The following MTA3 variants were observed in gnomAD, a reference collection of about 807,000 sequenced individuals.
MTA3 encodes metastasis associated 1 family member 3.
MTA3 carries 34 observed loss-of-function variants against 83.5 expected under a neutral mutation model. The ratio of observed to expected loss-of-function variants is 0.41; its 90% CI spans 0.31 to 0.54. MTA3 has a LOEUF of 0.54. Ranked by LOEUF, MTA3 falls within the 20% of genes least tolerant of loss-of-function variation. MTA3 has a pLI of 0.33. For synonymous variants in MTA3, 303 were observed against 252.7 expected (o/e 1.20, Z -1.89); for missense variants, 761 against 726.4 (o/e 1.05, Z -0.55).
chr2:42,734,740 C>T (rs1366658731), intron 16 of MTA3, among the ~76,000 whole-genome samples: 3 of 151,640 alleles, frequency 2.0e-5, no homozygotes, highest in Non-Finnish European at 4.4e-5. Flanking sequence ...TTCTGGTTAC[C>T]ATAAGGCTTG....
intron 2 of MTA3, among the ~76,000 whole-genome samples, chr2:42,499,431 G>T (rs943532527): frequency 2.7e-5 from 4 of 150,472 alleles, no homozygotes; most frequent in Non-Finnish European, 5.9e-5. Flanking sequence ...CTCCCAAAAT[G>T]CTGGGATTAC....
chr2:42,719,149 G>C (rs1401603634), intron 15 of MTA3, 75 bp downstream of exon 15: 1 of 1,093,994 alleles, frequency 9.1e-7, no homozygotes, highest in Non-Finnish European at 1.4e-6. Context: ...ATTCTAAATG[G>C]ACATACCTAA....
intron 14 of MTA3, among the ~76,000 whole-genome samples, chr2:42,710,158 C>G (rs935367958): frequency 6.6e-6 from 1 of 151,974 alleles, no homozygotes; most frequent in East Asian, 1.9e-4. Flanking sequence ...GGAATGATGA[C>G]TGAAAAAAAC....
intron 2 of MTA3, among the ~76,000 whole-genome samples, chr2:42,495,460 G>A (rs1674089632): frequency 1.3e-5 from 2 of 152,006 alleles, no homozygotes; most frequent in East Asian, 1.9e-4. Flanking sequence ...GTGTCTACTG[G>A]GTAGATACTG....
chr2:42,709,691 C>G (rs1413133056), intron 14 of MTA3: 1 of 152,086 alleles, frequency 6.6e-6, no homozygotes, highest in Non-Finnish European at 1.5e-5. Context: ...ATTTTAAACT[C>G]ATTTTTGGGT....
intron 2 of MTA3, among the ~76,000 whole-genome samples, chr2:42,547,076 T>G (rs1235762496): frequency 6.6e-6 from 1 of 152,154 alleles, no homozygotes; most frequent in South Asian, 2.1e-4. Flanking sequence ...ATGGAGGAAC[T>G]TTATAAAATA....
chr2:42,550,365 G>T (rs923223236), intron 2 of MTA3, among the ~76,000 whole-genome samples: 1 of 152,140 alleles, frequency 6.6e-6, no homozygotes, highest in Non-Finnish European at 1.5e-5. Context: ...ACTATCCTTG[G>T]TTTCAGCATC....
At chr2:42,570,365 TAA>T in intron 1 of MTA3, 70 bp from the exon 2 acceptor site, 1 of 951,758 alleles carries the variant, frequency 1.1e-6, no homozygotes, top group South Asian at 1.6e-5. Context: ...ATGCCTAACA[TAA>T]AAAGTCTTGG....
At chr2:42,691,763 G>A (rs893738806) in intron 9 of MTA3, among the ~76,000 whole-genome samples, 2 of 152,064 alleles carry the variant, frequency 1.3e-5, no homozygotes, top group Non-Finnish European at 1.5e-5. Context: ...TCTCCATCAC[G>A]TTTGAAGGAC....
intron 11 of MTA3, among the ~76,000 whole-genome samples, chr2:42,700,259 A>G (rs1281290973): frequency 6.6e-6 from 1 of 152,168 alleles, no homozygotes; most frequent in Non-Finnish European, 1.5e-5. Flanking sequence ...AGCGTTAGAT[A>G]AAAGGAAGGG....
Position 42,700,037 on chromosome 2 carries a change from G to C in MTA3, c.1025+2203G>C, listed in dbSNP as rs113943431. Reference sequence around the variant, plus strand: ...TAAGAGAGGAGTGTGTTTCAGGGAGGGGGAGAGAGATTTAACAGTGTTGGA... The same window carrying C: ...TAAGAGAGGAGTGTGTTTCAGGGAGCGGGAGAGAGATTTAACAGTGTTGGA... On this transcript the variant is annotated intron_variant, in intron 11 of 16. Coordinates refer to ENST00000405094, the MANE Select transcript of MTA3 (RefSeq NM_001330442.2). 1.4e-4 allele frequency among the ~76,000 whole-genome samples: 22 copies of C among 152,098 alleles called. 1 individual carries two copies. Among genetic ancestry groups the C allele is most frequent in the African/African-American group, 3.4e-4 (14 of 41,484 alleles).
chr2:42,551,085 A>T (rs140872733), intron 2 of MTA3, among the ~76,000 whole-genome samples: 3,710 of 150,410 alleles, frequency 0.025, 136 homozygotes, highest in African/African-American at 0.081. Flanking sequence ...ATAAATAAAT[A>T]AATTAAAATT....
At chr2:42,640,052 T>G in intron 4 of MTA3, 121 bp from the exon 5 acceptor site, 1 of 675,022 alleles carries the variant, frequency 1.5e-6, no homozygotes, top group Non-Finnish European at 2.4e-6. Flanking sequence ...TGAAAAAATA[T>G]ATATTCCTAA....
In MTA3 at chr2:42,692,405, C is replaced by T. The variant is rs571845987; in HGVS notation, c.892-3360C>T. On this transcript the variant is annotated intron_variant, in intron 9 of 16. Transcript: ENST00000405094. ...TGAATTTCTTTGAGTTTCCTCAAAA[C>T]AGCTATCTTGAATTCTTTTTTTTTT... Among the ~76,000 whole-genome samples, 3 of 150,784 alleles carry T rather than the reference C, an allele frequency of 2.0e-5. No homozygotes were observed. The South Asian group carries it at 6.3e-4, about 32-fold the overall frequency.
intron 16 of MTA3, among the ~76,000 whole-genome samples, chr2:42,750,581 C>T (rs575069418): frequency 2.4e-4 from 36 of 152,332 alleles, no homozygotes; most frequent in African/African-American, 7.2e-4. Flanking sequence ...GATATTTTCT[C>T]ATGGGCTTGT....
chr2:42,670,552 A>G (rs1439339320), intron 8 of MTA3, among the ~76,000 whole-genome samples: 1 of 152,164 alleles, frequency 6.6e-6, no homozygotes, highest in East Asian at 1.9e-4. Context: ...AACAAGAAGC[A>G]GATTGGTTGT....
intron 2 of MTA3, among the ~76,000 whole-genome samples, chr2:42,572,923 T>C (rs928666001): frequency 6.6e-6 from 1 of 152,032 alleles, no homozygotes; most frequent in African/African-American, 2.4e-5. Flanking sequence ...AGACAGAGTT[T>C]CACCATGTTG....
intron 2 of MTA3, among the ~76,000 whole-genome samples, chr2:42,501,414 A>G (rs904107995): frequency 6.6e-6 from 1 of 152,128 alleles, no homozygotes; most frequent in Non-Finnish European, 1.5e-5. Flanking sequence ...GCTCAAAATA[A>G]TCCTTACCTC....
At chr2:42,660,428 A>G (rs1166120524) in intron 8 of MTA3, among the ~76,000 whole-genome samples, 27 of 152,178 alleles carry the variant, frequency 1.8e-4, no homozygotes, top group Admixed American at 1.7e-3. Context: ...ATTATAGTTG[A>G]TATCTTTTAA....
Sources: gnomAD v4.1 joint callset for allele counts (sites outside exome capture counted in the v4.1 genomes callset) on GRCh38, gnomAD v4.1.1 for gene constraint, MANE v1.5 for transcripts, NCBI Gene and HGNC (gene_info 2026-07-23, HGNC 2026-07-21) for gene names.